Variants in MAP2K4 observed in about 807,000 individuals in gnomAD.
MAP2K4 encodes the protein dual specificity mitogen-activated protein kinase kinase 4.
In MAP2K4, 4 loss-of-function variants were observed where a neutral mutation model predicts 48.5. That is an observed-to-expected ratio of 0.08 (90% CI 0.04 to 0.19). The LOEUF (loss-of-function observed/expected upper bound fraction) is 0.19, where lower values mean the gene tolerates loss of function less well. Among genes scored for constraint, MAP2K4 ranks in the 10% least tolerant of loss-of-function variants. The pLI, the probability that MAP2K4 is intolerant of heterozygous loss-of-function variation, is 1.00. For missense variants in MAP2K4, 258 were observed against 493.3 expected, an observed-to-expected ratio of 0.52 and a Z score of 4.52; for synonymous variants, 166 against 173.1, an observed-to-expected ratio of 0.96 and a Z score of 0.32.
intron 1 of MAP2K4, among the ~76,000 whole-genome samples, chr17:12,022,296 G>C (rs1345818923): frequency 6.6e-6 from 1 of 152,146 alleles, no homozygotes; most frequent in African/African-American, 2.4e-5. Flanking sequence ...TAGATATATA[G>C]ACAGGATGAT....
At chr17:12,140,322 C>T (rs1377357076) in intron 10 of MAP2K4, among the ~76,000 whole-genome samples, 1 of 152,098 alleles carries the variant, frequency 6.6e-6, no homozygotes, top group African/African-American at 2.4e-5. Flanking sequence ...GTGTTTTAAG[C>T]AGTCTACTGG....
At chr17:12,086,070 G>A (rs992214398) in intron 3 of MAP2K4, among the ~76,000 whole-genome samples, 1 of 152,176 alleles carries the variant, frequency 6.6e-6, no homozygotes, top group East Asian at 1.9e-4. Context: ...AATTGGAAAA[G>A]TTCCTTTTTG....
In MAP2K4 at chr17:12,109,495, T is replaced by TA. The variant is rs1322776411; in HGVS notation, c.634-879dup. ...CTTGACGTCAGCAAAGACGTCACCT[T>TA]ACAGCAAATAGTTGGCCTGTTGTTT... On this transcript the variant is annotated intron_variant, in intron 5 of 10. Transcript: ENST00000353533. Among the ~76,000 whole-genome samples the TA allele has an allele frequency of 5.3e-5, 8 of 152,342 alleles. No homozygotes were observed. In the East Asian group the frequency reaches 1.5e-3, roughly 29 times the overall value.
chr17:12,067,971 G>C (rs1289611825), intron 2 of MAP2K4, among the ~76,000 whole-genome samples: 1 of 152,120 alleles, frequency 6.6e-6, no homozygotes, highest in African/African-American at 2.4e-5. Context: ...TTTAGAAGGA[G>C]GGTGGTGAAA....
chr17:12,105,135 T>C (rs1972065824), intron 4 of MAP2K4, among the ~76,000 whole-genome samples: 1 of 152,136 alleles, frequency 6.6e-6, no homozygotes, highest in African/African-American at 2.4e-5. Context: ...TCAGTATCTC[T>C]TCTTTAAAAT....
In MAP2K4 at chr17:12,028,723, C is replaced by T. The variant is rs1969337918; in HGVS notation, c.115+7722C>T. ...ATTGTAGTTCATAATGCACTTTCAG[C>T]AGTGCAAAAATCCAGAATGTCCAGG... is the stretch of plus-strand genomic sequence containing the variant. On this transcript the variant is annotated intron_variant, in intron 1 of 10. Transcript: ENST00000353533. Among the ~76,000 whole-genome samples, 3 of 152,248 alleles carry T rather than the reference C, an allele frequency of 2.0e-5. 1 individual carries two copies. In the South Asian group the frequency reaches 6.2e-4, roughly 32 times the overall value.
chr17:12,088,005 G>C (rs529882235), intron 3 of MAP2K4, among the ~76,000 whole-genome samples: 3 of 152,134 alleles, frequency 2.0e-5, no homozygotes, highest in South Asian at 2.1e-4. Flanking sequence ...GAATACCTAA[G>C]ATTTTCTGCA....
chr17:12,032,274 A>G, intron 1 of MAP2K4: 1 of 1,422,562 alleles, frequency 7.0e-7, no homozygotes, highest in East Asian at 2.6e-5. Context: ...AGGCTTTCAG[A>G]TAAACTTCTG....
intron 9 of MAP2K4, among the ~76,000 whole-genome samples, chr17:12,137,387 G>T (rs1973240829): frequency 6.6e-6 from 1 of 152,142 alleles, no homozygotes; most frequent in Middle Eastern, 3.2e-3. Flanking sequence ...TATTTAGGAT[G>T]CTCAAGGAAA....
chr17:12,021,103 A>G, intron 1 of MAP2K4, 102 bp downstream of exon 1: 1 of 642,808 alleles, frequency 1.6e-6, no homozygotes, highest in Non-Finnish European at 2.2e-6. Context: ...TGAGGAAGCC[A>G]CGGCAGCCGC....
intron 2 of MAP2K4, among the ~76,000 whole-genome samples, chr17:12,066,672 G>T (rs937806366): frequency 6.6e-6 from 1 of 152,080 alleles, no homozygotes; most frequent in African/African-American, 2.4e-5. Context: ...TGGGTTTTAG[G>T]CATGCACTAC....
At chr17:12,062,852 C>T (rs995264023) in intron 2 of MAP2K4, among the ~76,000 whole-genome samples, 21 of 151,906 alleles carry the variant, frequency 1.4e-4, no homozygotes, top group Non-Finnish European at 2.1e-4. Flanking sequence ...TTTTTCCCCA[C>T]GTTCTGAAAT....
At chr17:12,030,814 A>G (rs1969414347) in intron 1 of MAP2K4, among the ~76,000 whole-genome samples, 1 of 151,878 alleles carries the variant, frequency 6.6e-6, no homozygotes, top group Non-Finnish European at 1.5e-5. Context: ...CAATCAGGGT[A>G]TTTTGCTTTA....
Position 12,071,884 on chromosome 17 carries a change from C to T in MAP2K4, c.219-9472C>T, listed in dbSNP as rs533761946. Among the ~76,000 whole-genome samples the T allele has an allele frequency of 7.2e-5, 11 of 152,262 alleles. No homozygotes were observed. In the South Asian group the frequency reaches 2.3e-3, roughly 32 times the overall value. On this transcript the variant is annotated intron_variant, in intron 2 of 10. Transcript: ENST00000353533. ...GAGAGAAGGTCTGTGACATTTTCCT[C>T]TTCTCATATGGGCATATTTGTAAAC...
At chr17:12,116,499 ATTT>A (rs869308764) in intron 7 of MAP2K4, among the ~76,000 whole-genome samples, 1 of 152,064 alleles carries the variant, frequency 6.6e-6, no homozygotes, top group Non-Finnish European at 1.5e-5. Context: ...ATTAAAAAAA[ATTT>A]TTTTTACTTT....
At chr17:12,037,614 TAC>T (rs1969640251) in intron 1 of MAP2K4, among the ~76,000 whole-genome samples, 1 of 138,394 alleles carries the variant, frequency 7.2e-6, no homozygotes, top group Non-Finnish European at 1.6e-5. Context: ...TGGAGGTTTA[TAC>T]AGTTTATATA....
At chr17:12,041,872 C>T (rs1969796084) in intron 1 of MAP2K4, among the ~76,000 whole-genome samples, 1 of 152,082 alleles carries the variant, frequency 6.6e-6, no homozygotes, top group Admixed American at 6.5e-5. Flanking sequence ...TGTCTGATTT[C>T]CAATGGTCAG....
chr17:12,127,169 C>G (rs964027626), intron 8 of MAP2K4, among the ~76,000 whole-genome samples: 1 of 152,190 alleles, frequency 6.6e-6, no homozygotes, highest in Admixed American at 6.5e-5. Flanking sequence ...AACAGCTCAC[C>G]TCTGCAGAGG....
intron 8 of MAP2K4, among the ~76,000 whole-genome samples, chr17:12,126,918 A>G (rs547403692): frequency 2.1e-4 from 32 of 152,152 alleles, no homozygotes; most frequent in African/African-American, 7.7e-4. Context: ...AGGCAGGCCA[A>G]TCCTCTTCTT....
Sources: gnomAD v4.1 joint callset for allele counts (sites outside exome capture counted in the v4.1 genomes callset) on GRCh38, gnomAD v4.1.1 for gene constraint, MANE v1.5 for transcripts, NCBI Gene and HGNC (gene_info 2026-07-23, HGNC 2026-07-21) for gene names.